Variants in TSGA10 observed in about 807,000 individuals in gnomAD.
The protein encoded by TSGA10 is testis specific 10.
In TSGA10, 43 loss-of-function variants were observed where a neutral mutation model predicts 96.6. The ratio of observed to expected loss-of-function variants is 0.44; its 90% CI spans 0.35 to 0.57. TSGA10 has a LOEUF of 0.57. Among genes scored for constraint, TSGA10 ranks in the 20% least tolerant of loss-of-function variants. TSGA10 has a pLI of 0.01. For missense variants in TSGA10, 703 were observed against 834.4 expected, an observed-to-expected ratio of 0.84 and a Z score of 1.94; for synonymous variants, 229 against 269.9, an observed-to-expected ratio of 0.85 and a Z score of 1.48.
chr2:99,105,698 C>A lies in TSGA10; in HGVS notation c.211-1G>T. The stretch of plus-strand genomic sequence containing the variant: ...GAAGTCGGGTAATTTCTTCCTGTGC[C>A]TATTATTTAAATCATAGACTTTGGT... On this transcript the variant is annotated splice_acceptor_variant, in intron 7 of 20. Transcript: ENST00000393483. LOFTEE classifies it high-confidence loss of function. The A allele has an allele frequency of 1.3e-6, 2 of 1,585,228 alleles. No homozygotes were observed. The highest frequency in any genetic ancestry group is 1.7e-6 in the Non-Finnish European group (2 of 1,157,990).
At chr2:99,068,827 T>A in intron 15 of TSGA10, 61 bp downstream of exon 15, 1 of 802,940 alleles carries the variant, frequency 1.2e-6, no homozygotes. Context: ...GTATACCAAC[T>A]TCTAAATTAA....
chr2:99,110,414 C>G (rs1230754414), intron 5 of TSGA10, among the ~76,000 whole-genome samples: 1 of 151,984 alleles, frequency 6.6e-6, no homozygotes, highest in African/African-American at 2.4e-5. Flanking sequence ...TTAAATAACA[C>G]TAAAATGTTT....
chr2:99,093,883 A>T (rs1269831897), intron 10 of TSGA10, among the ~76,000 whole-genome samples: 1 of 152,142 alleles, frequency 6.6e-6, no homozygotes, highest in Non-Finnish European at 1.5e-5. Flanking sequence ...ATCTTTCTTC[A>T]CAGAACTAGA....
rs112299808 is a variant in TSGA10 at position 99,017,377 on chromosome 2, C to G, written c.2072+823G>C. Among the ~76,000 whole-genome samples, 740 of 152,260 alleles carry G rather than the reference C, an allele frequency of 4.9e-3. 10 individuals are homozygous for G. Among genetic ancestry groups the G allele is most frequent in the African/African-American group, 0.017 (701 of 41,548 alleles). On this transcript the variant is annotated intron_variant, in intron 20 of 20. Coordinates refer to ENST00000393483, the MANE Select transcript of TSGA10 (RefSeq NM_025244.4). ...TAGCAACCTGGATGGAGTTGGAGACCATTATTCTAAGGGAAGTAACTCAGG... is the reference window on the plus strand; with the variant it reads ...TAGCAACCTGGATGGAGTTGGAGACGATTATTCTAAGGGAAGTAACTCAGG...
chr2:99,123,174 T>A (rs896557109), intron 2 of TSGA10, among the ~76,000 whole-genome samples: 1 of 152,212 alleles, frequency 6.6e-6, no homozygotes, highest in Admixed American at 6.5e-5. Context: ...TTCTCTCTGG[T>A]TACTTTCAGG....
At chr2:99,142,193 T>G (rs2093573527) in intron 1 of TSGA10, 1 of 152,266 alleles carries the variant, frequency 6.6e-6, no homozygotes, top group Non-Finnish European at 1.5e-5. Context: ...GAAAAAAGTC[T>G]TCTTAATTTT....
chr2:99,124,337 T>C (rs909085688), intron 2 of TSGA10, among the ~76,000 whole-genome samples: 1 of 152,208 alleles, frequency 6.6e-6, no homozygotes, highest in Admixed American at 6.5e-5. Context: ...AAGGGGCTAA[T>C]TGTAGGAGTC....
At chr2:99,072,317 C>T (rs555987557) in intron 13 of TSGA10, among the ~76,000 whole-genome samples, 1 of 152,276 alleles carries the variant, frequency 6.6e-6, no homozygotes, top group South Asian at 2.1e-4. Flanking sequence ...CATCTAGATC[C>T]AATGACTCCA....
Position 99,150,393 on chromosome 2 carries a change from A to G in TSGA10, c.-621+4300T>C, listed in dbSNP as rs2093680626. ...GGCAATTTTACTTTATATTTCTAGT[A>G]TCACCACAGCTTTTCATTCAAACAA... On this transcript the variant is annotated intron_variant, in intron 1 of 20. Transcript: ENST00000393483. 5 of 704,804 alleles carry G rather than the reference A, an allele frequency of 7.1e-6. No homozygotes were observed. The South Asian group carries it at 8.6e-5, about 12-fold the overall frequency. The allele number at this position is 704,804 out of a possible 1,614,324, so 43.7% of individuals were successfully genotyped here.
intron 16 of TSGA10, among the ~76,000 whole-genome samples, chr2:99,052,880 G>A (rs1482045229): frequency 1.3e-5 from 2 of 152,054 alleles, no homozygotes; most frequent in Admixed American, 1.3e-4. Context: ...ACTAGCCTGG[G>A]CAACATGCCC....
chr2:99,066,841 ACC>A (rs760198101), intron 15 of TSGA10, among the ~76,000 whole-genome samples: 1 of 152,078 alleles, frequency 6.6e-6, no homozygotes, highest in Non-Finnish European at 1.5e-5. Context: ...CCCTCTGGCC[ACC>A]CACAAGTCTC....
chr2:99,084,035 C>T (rs1162119804), intron 10 of TSGA10, among the ~76,000 whole-genome samples: 4 of 151,984 alleles, frequency 2.6e-5, no homozygotes, highest in Non-Finnish European at 4.4e-5. Flanking sequence ...GGGAATACAT[C>T]GACTTATCTG....
chr2:99,017,582 G>A (rs940863551), intron 20 of TSGA10, among the ~76,000 whole-genome samples: 3 of 151,776 alleles, frequency 2.0e-5, no homozygotes, highest in Non-Finnish European at 2.9e-5. Flanking sequence ...CGGCTAAAAC[G>A]GTGAAACCCC....
intron 1 of TSGA10, chr2:99,147,329 A>C: frequency 4.7e-6 from 4 of 848,472 alleles, no homozygotes; most frequent in Non-Finnish European, 7.7e-6. Context: ...TCTAGTAAAG[A>C]AAGCCACTTT....
Position 99,055,866 on chromosome 2 carries a change from A to C in TSGA10, c.1404+9073T>G, listed in dbSNP as rs200114241. On this transcript the variant is annotated intron_variant, in intron 16 of 20. Transcript: ENST00000393483. Reference sequence around the variant, plus strand: ...AGACCCTGTATCCAATTAACAAAAAAAAAAAAAAAAAAAGGAAGAAAAGAA... The same window carrying C: ...AGACCCTGTATCCAATTAACAAAAACAAAAAAAAAAAAAGGAAGAAAAGAA... Among the ~76,000 whole-genome samples the C allele has an allele frequency of 1.3e-4, 19 of 151,176 alleles. No homozygotes were observed. The East Asian group carries it at 2.9e-3, about 23-fold the overall frequency.
intron 16 of TSGA10, among the ~76,000 whole-genome samples, chr2:99,053,317 G>T (rs2083595909): frequency 6.7e-6 from 1 of 149,514 alleles, no homozygotes; most frequent in Non-Finnish European, 1.5e-5. Flanking sequence ...GGAACTACAT[G>T]CCAATATTCT....
intron 5 of TSGA10, 83 bp downstream of exon 5, chr2:99,110,767 G>T: frequency 3.5e-6 from 1 of 283,438 alleles, no homozygotes; most frequent in Non-Finnish European, 5.3e-6. Flanking sequence ...CAAAACGTGT[G>T]AGAGCCAAAG....
intron 16 of TSGA10, among the ~76,000 whole-genome samples, chr2:99,038,525 A>G (rs1377515549): frequency 6.6e-6 from 1 of 152,224 alleles, no homozygotes; most frequent in African/African-American, 2.4e-5. Context: ...CAGACAAAGC[A>G]AACTTTAAAG....
intron 20 of TSGA10, among the ~76,000 whole-genome samples, chr2:99,006,988 T>C (rs2078545808): frequency 6.6e-6 from 1 of 152,204 alleles, no homozygotes; most frequent in East Asian, 1.9e-4. Context: ...TTATGTCCTT[T>C]GTAGGGACAT....
Sources: allele counts gnomAD v4.1 joint callset (sites outside exome capture counted in the v4.1 genomes callset), GRCh38; gene constraint gnomAD v4.1.1; transcripts MANE v1.5; gene names NCBI Gene and HGNC (gene_info 2026-07-23, HGNC 2026-07-21).